OSBPL10: variants seen among roughly 807,000 people sequenced by gnomAD.
OSBPL10 encodes oxysterol-binding protein-related protein 10.
A neutral mutation model predicts 81.7 loss-of-function variants in OSBPL10; 49 were observed. That is an observed-to-expected ratio of 0.60 (90% CI 0.48 to 0.76). The LOEUF (loss-of-function observed/expected upper bound fraction) is 0.76, where lower values mean the gene tolerates loss of function less well. Among genes scored for constraint, OSBPL10 ranks in the 30% least tolerant of loss-of-function variants. The pLI is 0.00. For synonymous variants in OSBPL10, 419 were observed against 383.6 expected (o/e 1.09, Z -1.08); for missense variants, 923 against 987.8 (o/e 0.93, Z 0.88).
intron 4 of OSBPL10, among the ~76,000 whole-genome samples, chr3:31,780,149 C>T (rs568227735): frequency 1.4e-4 from 21 of 152,046 alleles, no homozygotes; most frequent in African/African-American, 4.3e-4. Flanking sequence ...AAAGATTAGC[C>T]GGGTGTGGTG....
intron 2 of OSBPL10, chr3:32,030,333 C>A (rs1014613390): frequency 4.1e-6 from 2 of 488,398 alleles, no homozygotes; most frequent in South Asian, 1.8e-5. Flanking sequence ...AGGGAATGGG[C>A]GCCGTTCAAA....
intron 1 of OSBPL10, among the ~76,000 whole-genome samples, chr3:31,890,994 C>T (rs1695877556): frequency 1.3e-5 from 2 of 152,066 alleles, no homozygotes; most frequent in Admixed American, 1.3e-4. Flanking sequence ...CAGTTTAGTA[C>T]CCACCAAGAG....
intron 2 of OSBPL10, among the ~76,000 whole-genome samples, chr3:32,036,917 C>T (rs982115235): frequency 3.9e-5 from 6 of 152,176 alleles, no homozygotes; most frequent in Non-Finnish European, 7.4e-5. Flanking sequence ...TACTTATCCT[C>T]ATTCTAACCA....
intron 6 of OSBPL10, among the ~76,000 whole-genome samples, chr3:31,711,601 G>C (rs1325222034): frequency 6.6e-6 from 1 of 152,160 alleles, no homozygotes; most frequent in East Asian, 1.9e-4. Context: ...GATTTAACAG[G>C]ACAGCCAGTC....
chr3:31,980,593 C>G (rs1168085244), intron 1 of OSBPL10, among the ~76,000 whole-genome samples: 2 of 152,210 alleles, frequency 1.3e-5, no homozygotes, highest in Admixed American at 6.5e-5. Flanking sequence ...GCACGGGGAC[C>G]AGCACGATCC....
chr3:32,017,465 A>G (rs1256474676), intron 2 of OSBPL10, among the ~76,000 whole-genome samples: 1 of 152,204 alleles, frequency 6.6e-6, no homozygotes, highest in Non-Finnish European at 1.5e-5. Context: ...TGATGCTTAA[A>G]TAACTTACCT....
rs566933545 is a variant in OSBPL10, at chr3:31,964,753, C to G, written c.281+16146G>C. On this transcript the variant is annotated intron_variant, in intron 1 of 11. Transcript: ENST00000396556. ...GTGCTTTCAAACAATGAACAAACAT[C>G]AAGTTCTCATGGCTCATCATTTAAC... is the stretch of plus-strand genomic sequence containing the variant. Among the ~76,000 whole-genome samples the G allele has an allele frequency of 8.5e-5, 13 of 152,272 alleles. No individual in the cohort carries two copies. In the South Asian group the frequency reaches 2.7e-3, roughly 32 times the overall value.
chr3:31,812,718 AAAAG>A lies in OSBPL10; in HGVS notation c.729+17318_729+17321del, dbSNP rs140026828. On this transcript the variant is annotated intron_variant, in intron 4 of 11. Coordinates refer to ENST00000396556, the MANE Select transcript of OSBPL10 (RefSeq NM_017784.5). ...GGAATCTCTACACAGTAGGCAAAAA[AAAAG>A]AAAGAAAGAAAGAAAGAAAGAAAGA... Among the ~76,000 whole-genome samples the A allele has an allele frequency of 5.3e-3, 219 of 41,710 alleles. 1 individual carries two copies. Among genetic ancestry groups the A allele is most frequent in the Middle Eastern group, 0.018 (1 of 56 alleles). 27.4% of individuals were successfully genotyped at this position (41,710 alleles called of 152,430 possible). A position where few individuals can be genotyped will look rare whatever the true frequency, so the allele number is the denominator to read the frequency against.
intron 1 of OSBPL10, among the ~76,000 whole-genome samples, chr3:31,963,329 T>G (rs999868448): frequency 2.0e-5 from 3 of 152,192 alleles, no homozygotes; most frequent in Non-Finnish European, 4.4e-5. Context: ...ACATCTCCCT[T>G]TATTCTTAAA....
At chr3:31,753,149 A>G (rs1697771335) in intron 4 of OSBPL10, among the ~76,000 whole-genome samples, 1 of 150,796 alleles carries the variant, frequency 6.6e-6, no homozygotes, top group Non-Finnish European at 1.5e-5. Context: ...CACTTGGCCA[A>G]TGTCCTCACC....
At chr3:31,923,311 G>A (rs1014935390) in intron 1 of OSBPL10, among the ~76,000 whole-genome samples, 6 of 152,106 alleles carry the variant, frequency 3.9e-5, no homozygotes, top group Non-Finnish European at 5.9e-5. Context: ...CAAAGGTCCA[G>A]TCCCCACCCA....
intron 5 of OSBPL10, among the ~76,000 whole-genome samples, chr3:31,747,487 T>TAAAAAAAA (rs61150758): frequency 1.2e-4 from 12 of 98,444 alleles, no homozygotes; most frequent in Non-Finnish European, 1.4e-4. Flanking sequence ...AATCTTCAAA[T>TAAAAAAAA]AAAAAAAAAA....
Position 31,969,197 on chromosome 3 carries a change from T to C in OSBPL10, c.281+11702A>G, listed in dbSNP as rs561833668. ...CCTATTTCAGCCAAAGTCCACACTC[T>C]GAGGTTAATGAATTGGGAGGCCTCT... On this transcript the variant is annotated intron_variant, in intron 1 of 11. Transcript: ENST00000396556. 1.7e-4 allele frequency among the ~76,000 whole-genome samples: 26 copies of C among 152,330 alleles called. No individual in the cohort carries two copies. In the South Asian group the frequency reaches 4.8e-3, roughly 28 times the overall value.
At chr3:31,815,294 A>G (rs1194012169) in intron 4 of OSBPL10, among the ~76,000 whole-genome samples, 1 of 152,168 alleles carries the variant, frequency 6.6e-6, no homozygotes, top group East Asian at 1.9e-4. Context: ...TGGTCCTGCC[A>G]CACCCAGACC....
chr3:32,039,267 A>G (rs1699548651), intron 2 of OSBPL10, among the ~76,000 whole-genome samples: 1 of 151,990 alleles, frequency 6.6e-6, no homozygotes, highest in Non-Finnish European at 1.5e-5. Context: ...TGGAGGTTGC[A>G]GTGAGCCGGG....
chr3:31,748,637 C>G (rs77330011), intron 4 of OSBPL10, among the ~76,000 whole-genome samples: 3 of 76,690 alleles, frequency 3.9e-5, no homozygotes, highest in African/African-American at 4.4e-5. Context: ...CCCCTTCGCT[C>G]GCTTGCAAAA....
chr3:31,832,419 T>C (rs1438850486), intron 3 of OSBPL10, among the ~76,000 whole-genome samples: 2 of 152,228 alleles, frequency 1.3e-5, no homozygotes, highest in Non-Finnish European at 2.9e-5. Context: ...ATTGTTCCTA[T>C]ACTTCATCTC....
intron 1 of OSBPL10, among the ~76,000 whole-genome samples, chr3:31,938,476 C>T (rs1422497538): frequency 6.6e-6 from 1 of 152,164 alleles, no homozygotes; most frequent in African/African-American, 2.4e-5. Context: ...GTTGAGCTCT[C>T]TTTCCATTCC....
chr3:31,714,937 T>A (rs1423203096), intron 6 of OSBPL10: 10 of 128,464 alleles, frequency 7.8e-5, no homozygotes, highest in African/African-American at 3.1e-4. Flanking sequence ...AAGTCTTCAA[T>A]CAAGCACATA....
Sources: allele counts gnomAD v4.1 joint callset (sites outside exome capture counted in the v4.1 genomes callset), GRCh38; gene constraint gnomAD v4.1.1; transcripts MANE v1.5; gene names NCBI Gene and HGNC (gene_info 2026-07-23, HGNC 2026-07-21).